The following RAB14 variants were observed in gnomAD, a reference collection of about 807,000 sequenced individuals.
RAB14 encodes the protein RAB14, member RAS oncogene family, also known as ras-related protein Rab-14.
A neutral mutation model predicts 31.1 loss-of-function variants in RAB14; 3 were observed. That is an observed-to-expected ratio of 0.10 (90% CI 0.04 to 0.25). The LOEUF (loss-of-function observed/expected upper bound fraction) is 0.25, where lower values mean the gene tolerates loss of function less well. Among genes scored for constraint, RAB14 ranks in the 10% least tolerant of loss-of-function variants. The probability of loss-of-function intolerance (pLI) is 1.00; values close to 1 mark genes in which losing one functional copy is unlikely to be tolerated. For missense variants in RAB14, 111 were observed against 260.1 expected, an observed-to-expected ratio of 0.43 and a Z score of 3.94; for synonymous variants, 85 against 84.9, an observed-to-expected ratio of 1.00 and a Z score of 0.00.
chr9:121,186,044 G>A (rs2053657393), intron 5 of RAB14, among the ~76,000 whole-genome samples: 1 of 152,146 alleles, frequency 6.6e-6, no homozygotes, highest in Non-Finnish European at 1.5e-5. Context: ...AGTTCTTGAA[G>A]GAGGCCTCTA....
chr9:121,197,602 T>C (rs2053725278), intron 1 of RAB14, among the ~76,000 whole-genome samples: 1 of 152,166 alleles, frequency 6.6e-6, no homozygotes, highest in Non-Finnish European at 1.5e-5. Context: ...CTTTCTAAGA[T>C]TACACAGACA....
intron 1 of RAB14, among the ~76,000 whole-genome samples, chr9:121,200,072 G>A (rs1188224635): frequency 6.6e-6 from 1 of 152,192 alleles, no homozygotes; most frequent in Non-Finnish European, 1.5e-5. Flanking sequence ...CCCCTTTATA[G>A]ATAAGGACAC....
At position 121,192,128 on chromosome 9, in the gene RAB14, G is replaced by A. The variant is rs1417715027; in HGVS notation, c.106+43C>T. 6 of 1,369,900 alleles carry A rather than the reference G, an allele frequency of 4.4e-6. No individual in the cohort carries two copies. In the African/African-American group the frequency reaches 5.9e-5, roughly 13 times the overall value. 84.9% of individuals were successfully genotyped at this position (1,369,900 alleles called of 1,614,324 possible). On this transcript the variant is annotated intron_variant, in intron 3 of 7. Transcript: ENST00000373840. ...ACTTTCTAAAAAGTAGAAACATGGC[G>A]ATAAAGAAAACTATTAATGTTTACC...
intron 6 of RAB14, 42 bp from the exon 7 acceptor site, chr9:121,183,002 A>C: frequency 6.4e-7 from 1 of 1,560,590 alleles, no homozygotes; most frequent in African/African-American, 1.4e-5. Flanking sequence ...ACTTCAAACT[A>C]ACTCACAAGT....
intron 3 of RAB14, among the ~76,000 whole-genome samples, chr9:121,191,678 A>G (rs1320341208): frequency 1.3e-5 from 2 of 152,204 alleles, no homozygotes; most frequent in Non-Finnish European, 2.9e-5. Flanking sequence ...CTCTGTGGTA[A>G]GCAGCACAAA....
intron 4 of RAB14, among the ~76,000 whole-genome samples, chr9:121,189,066 G>A (rs1010015861): frequency 1.3e-5 from 2 of 152,008 alleles, no homozygotes; most frequent in Non-Finnish European, 2.9e-5. Flanking sequence ...CTTAGTGTCT[G>A]GTTTCTTCCA....
chr9:121,179,872 A>G lies in RAB14; in HGVS notation c.*1524T>C, dbSNP rs2053623470. The G allele has an allele frequency of 6.6e-6, 1 of 152,658 alleles. No homozygotes were observed. The highest frequency in any genetic ancestry group is 2.1e-4 in the South Asian group (1 of 4,832). 9.5% of individuals were successfully genotyped at this position (152,658 alleles called of 1,614,324 possible). On this transcript the variant is annotated 3_prime_UTR_variant, in exon 8 of 8. Coordinates refer to ENST00000373840, the MANE Select transcript of RAB14 (RefSeq NM_016322.4). ...CAGTTGAGCTGAGTGCATTTTCTAT[A>G]GTACGCTGAGGTGTTACCTATTCTA...
At chr9:121,192,755 T>C (rs2053693981) in intron 2 of RAB14, among the ~76,000 whole-genome samples, 1 of 152,090 alleles carries the variant, frequency 6.6e-6, no homozygotes, top group African/African-American at 2.4e-5. Flanking sequence ...ACTATAGCAA[T>C]GTTAACCCTT....
intron 1 of RAB14, among the ~76,000 whole-genome samples, chr9:121,194,057 T>C (rs75673233): frequency 0.08 from 12,169 of 151,254 alleles, 1,162 homozygotes; most frequent in African/African-American, 0.22. Flanking sequence ...GGCATTTTCA[T>C]ATAGCTCAAC....
rs2053611610 is a variant in RAB14 at position 121,178,561 on chromosome 9, A to G, written c.*2835T>C. ...CACACTTAAAAGACACATGGGCAAAAAAGTTCCCCAAAACTACTGTCTTAC... is the reference window on the plus strand; with the variant it reads ...CACACTTAAAAGACACATGGGCAAAGAAGTTCCCCAAAACTACTGTCTTAC... On this transcript the variant is annotated 3_prime_UTR_variant, in exon 8 of 8. Transcript: ENST00000373840. 6.6e-6 allele frequency: 1 copy of G among 152,618 alleles called. No homozygotes were observed. Among genetic ancestry groups the G allele is most frequent in the African/African-American group, 2.4e-5 (1 of 41,438 alleles). 9.5% of individuals were successfully genotyped at this position (152,618 alleles called of 1,614,324 possible). A position where few individuals can be genotyped will look rare whatever the true frequency, so the allele number is the denominator to read the frequency against.
intron 1 of RAB14, among the ~76,000 whole-genome samples, chr9:121,195,606 G>A (rs2053711004): frequency 6.6e-6 from 1 of 152,068 alleles, no homozygotes; most frequent in Non-Finnish European, 1.5e-5. Context: ...CATTCATATA[G>A]TAGAAACTAT....
chr9:121,186,902 G>C, intron 5 of RAB14, 51 bp downstream of exon 5: 1 of 1,318,198 alleles, frequency 7.6e-7, no homozygotes, highest in South Asian at 1.7e-5. Context: ...TCCCTTTTTG[G>C]GTTAGCTTAG....
Position 121,198,534 on chromosome 9 carries a change from C to T in RAB14, c.-8+3105G>A, listed in dbSNP as rs112044830. Among the ~76,000 whole-genome samples, 129 of 152,298 alleles carry T rather than the reference C, an allele frequency of 8.5e-4. 1 individual carries two copies. The highest frequency in any genetic ancestry group is 2.1e-3 in the African/African-American group (87 of 41,558). ...CCAAGACATAACAAGGGAAAAGCAACCCATTAAATATTCCAGGTAATTTAA... is the reference window on the plus strand; with the variant it reads ...CCAAGACATAACAAGGGAAAAGCAATCCATTAAATATTCCAGGTAATTTAA... On this transcript the variant is annotated intron_variant, in intron 1 of 7. Transcript: ENST00000373840.
At chr9:121,200,940 G>A (rs1424677673) in intron 1 of RAB14, among the ~76,000 whole-genome samples, 1 of 152,196 alleles carries the variant, frequency 6.6e-6, no homozygotes, top group Non-Finnish European at 1.5e-5. Flanking sequence ...TTCTAGAAAT[G>A]CCACAACTTT....
chr9:121,190,572 A>G lies in RAB14; in HGVS notation c.266T>C (p.Met89Thr). Residue 89 changes from methionine (M) to threonine (T), a missense_variant, in exon 4 of 8, where the codon ATG (methionine) becomes ACG (threonine). Met to Thr is a moderately conservative substitution (Grantham distance 81, BLOSUM62 -1). Coordinates refer to ENST00000373840, the MANE Select transcript of RAB14 (RefSeq NM_016322.4). Reference protein sequence around the residue: ...SYYRGAAGALMVYDITRRSTY... With the variant: ...SYYRGAAGALTVYDITRRSTY... ...CTCTTACCTAGTGATATCATAGACCATAAGAGCTCCCGCAGCTCCTCTGTA... is the reference window on the plus strand; with the variant it reads ...CTCTTACCTAGTGATATCATAGACCGTAAGAGCTCCCGCAGCTCCTCTGTA... 6.2e-7 allele frequency: 1 copy of G among 1,612,722 alleles called. No homozygotes were observed. Among genetic ancestry groups the G allele is most frequent in the East Asian group, 2.2e-5 (1 of 44,834 alleles).
intron 7 of RAB14, among the ~76,000 whole-genome samples, chr9:121,182,366 G>C (rs918542947): frequency 6.6e-6 from 1 of 152,152 alleles, no homozygotes; most frequent in African/African-American, 2.4e-5. Flanking sequence ...AGTTTTCTTT[G>C]GACTAATAGC....
chr9:121,197,388 TCAC>T (rs2053723751), intron 1 of RAB14, among the ~76,000 whole-genome samples: 1 of 152,172 alleles, frequency 6.6e-6, no homozygotes. Flanking sequence ...ACCACCATTT[TCAC>T]CACTGTTAAG....
At chr9:121,183,270 A>T (rs2053643315) in intron 6 of RAB14, 41 bp downstream of exon 6, 1 of 1,509,312 alleles carries the variant, frequency 6.6e-7, no homozygotes, top group African/African-American at 1.4e-5. Flanking sequence ...TTTCCTTAAA[A>T]ATTCTCCCAA....
intron 1 of RAB14, among the ~76,000 whole-genome samples, chr9:121,199,970 C>T (rs925345287): frequency 6.6e-6 from 1 of 152,168 alleles, no homozygotes; most frequent in South Asian, 2.1e-4. Context: ...CTGTTACAGG[C>T]ACTGATTTAC....
Sources: gnomAD v4.1 joint callset for allele counts (sites outside exome capture counted in the v4.1 genomes callset) on GRCh38, gnomAD v4.1.1 for gene constraint, MANE v1.5 for transcripts, NCBI Gene and HGNC (gene_info 2026-07-23, HGNC 2026-07-21) for gene names.